The following CHD7 variants were observed in gnomAD, a reference collection of about 807,000 sequenced individuals.
The protein encoded by CHD7 is chromodomain helicase DNA binding protein 7, also known as ATP-dependent chromatin remodeler CHD7.
In CHD7, 24 loss-of-function variants were observed where a neutral mutation model predicts 307.3. That is an observed-to-expected ratio of 0.08 (90% CI 0.06 to 0.11). The LOEUF (loss-of-function observed/expected upper bound fraction) is 0.11. Ranked by LOEUF, CHD7 falls within the 10% of genes least tolerant of loss-of-function variation. The pLI, the probability that CHD7 is intolerant of heterozygous loss-of-function variation, is 1.00. For synonymous variants in CHD7, 1,363 were observed against 1,349.9 expected (o/e 1.01, Z -0.21); for missense variants, 3,106 against 3,727.1 (o/e 0.83, Z 4.34).
intron 1 of CHD7, among the ~76,000 whole-genome samples, chr8:60,727,956 C>A (rs1167351590): frequency 6.6e-6 from 1 of 152,242 alleles, no homozygotes; most frequent in Non-Finnish European, 1.5e-5. Context: ...GACTCTCCAT[C>A]CAGAAACAAG....
At chr8:60,701,908 A>G (rs1424543833) in intron 1 of CHD7, among the ~76,000 whole-genome samples, 1 of 152,328 alleles carries the variant, frequency 6.6e-6, no homozygotes, top group African/African-American at 2.4e-5. Context: ...CCCAGTGCCA[A>G]TCCTTAAGTT....
chr8:60,816,937 A>T (rs984629829), intron 8 of CHD7, among the ~76,000 whole-genome samples: 1 of 152,232 alleles, frequency 6.6e-6, no homozygotes, highest in African/African-American at 2.4e-5. Context: ...CAGAGAGTTC[A>T]CTAAACTCAT....
At chr8:60,832,741 A>G (rs1027856790) in intron 15 of CHD7, among the ~76,000 whole-genome samples, 2 of 152,180 alleles carry the variant, frequency 1.3e-5, no homozygotes, top group Admixed American at 6.5e-5. Context: ...TGTTAATTAT[A>G]TGCATTGAAC....
At chr8:60,765,409 G>C (rs150267690) in intron 2 of CHD7, among the ~76,000 whole-genome samples, 1 of 152,300 alleles carries the variant, frequency 6.6e-6, no homozygotes, top group African/African-American at 2.4e-5. Flanking sequence ...TCACAGTCCA[G>C]AGGACCTAAT....
intron 24 of CHD7, 91 bp from the exon 25 acceptor site, chr8:60,848,960 C>T (rs576401309): frequency 8.6e-5 from 87 of 1,010,706 alleles, no homozygotes; most frequent in African/African-American, 1.8e-4. Flanking sequence ...AGATGTTTAT[C>T]GTGGGAGAGA....
intron 35 of CHD7, 148 bp downstream of exon 35, chr8:60,861,273 G>C (rs977299820): frequency 4.8e-6 from 3 of 627,096 alleles, no homozygotes; most frequent in Non-Finnish European, 8.1e-6. Context: ...CTTTGTTGTT[G>C]AATCTTCTTC....
Position 60,865,713 on chromosome 8 carries a change from C to T in CHD7, c.8774C>T (p.Ala2925Val), listed in dbSNP as rs1563674763. 1.2e-6 allele frequency: 2 copies of T among 1,608,006 alleles called. No homozygotes were observed. Among genetic ancestry groups the T allele is most frequent in the South Asian group, 1.1e-5 (1 of 90,684 alleles). ...ACGCTGCCTGGGTTCCCAGCATTGGCAGGACTTCAGAATGCCGTGGGCTCC... is the reference window on the plus strand; with the variant it reads ...ACGCTGCCTGGGTTCCCAGCATTGGTAGGACTTCAGAATGCCGTGGGCTCC... ...GLTLPGFPALAGLQNAVGSSE... is the reference protein window; with the variant it reads ...GLTLPGFPALVGLQNAVGSSE... Residue 2925 changes from alanine to valine, a missense_variant, in exon 38 of 38, where the codon GCA (alanine) becomes GTA (valine). Around this residue, in one of 10 missense-constraint regions of CHD7, gnomAD observed 351 missense variants for 366.2 expected, o/e 0.96. Transcript: ENST00000423902. This position sits in a 1 kb window ranked among gnomAD's most constrained non-coding sequence, Gnocchi z 4.3.
At chr8:60,726,922 C>T (rs2150554293) in intron 1 of CHD7, among the ~76,000 whole-genome samples, 1 of 152,206 alleles carries the variant, frequency 6.6e-6, no homozygotes, top group Middle Eastern at 3.4e-3. Context: ...CCTTAATTTC[C>T]CTCTTTGTAT....
rs749532171 is a variant in CHD7, at chr8:60,853,085, T to A, written c.6360T>A (p.Pro2120=). 1.2e-6 allele frequency: 2 copies of A among 1,613,956 alleles called. No individual in the cohort carries two copies. Among genetic ancestry groups the A allele is most frequent in the South Asian group, 2.2e-5 (2 of 91,072 alleles). ...SRTDYHILND[P]ELSFLDAHKN... Reference sequence around the variant, plus strand: ...CGGATTATCACATCCTCAATGACCCTGAGTTATCCTTCTTGGATGCACATA... The same window carrying A: ...CGGATTATCACATCCTCAATGACCCAGAGTTATCCTTCTTGGATGCACATA... Residue 2120 remains proline, a synonymous_variant, in exon 31 of 38, where the codon CCT becomes CCA. Transcript: ENST00000423902.
intron 28 of CHD7, among the ~76,000 whole-genome samples, chr8:60,851,533 T>G (rs1805456640): frequency 6.6e-6 from 1 of 152,250 alleles, no homozygotes; most frequent in Non-Finnish European, 1.5e-5. Context: ...TTGATGATAA[T>G]TAGCTGATTT....
chr8:60,769,121 T>C (rs1810599266), intron 2 of CHD7, among the ~76,000 whole-genome samples: 1 of 152,216 alleles, frequency 6.6e-6, no homozygotes, highest in Non-Finnish European at 1.5e-5. Context: ...CTCTGTAGCA[T>C]TTTTCAAAGC....
chr8:60,793,722 C>T (rs1448499233), intron 3 of CHD7, among the ~76,000 whole-genome samples: 6 of 152,080 alleles, frequency 3.9e-5, no homozygotes, highest in Non-Finnish European at 8.8e-5. Flanking sequence ...TTGTTTTTCA[C>T]AATTTATTGG....
In CHD7 at chr8:60,865,228, T is replaced by C; in HGVS notation, c.8289T>C (p.Asn2763=). ...MDLTSLQNLQ[N]LQSLQLAGLM... ...TGACGAGCCTTCAGAATCTCCAGAA[T>C]CTCCAGTCGCTCCAGCTGGCAGGCC... is the stretch of plus-strand genomic sequence containing the variant. Residue 2763 remains asparagine, a synonymous_variant, in exon 38 of 38, where the codon AAT becomes AAC. Transcript: ENST00000423902. The surrounding 1 kb of genome is among the most constrained non-coding windows in gnomAD (Gnocchi z 4.3). 2.5e-6 allele frequency: 4 copies of C among 1,609,352 alleles called. No homozygotes were observed. The highest frequency in any genetic ancestry group is 3.4e-6 in the Non-Finnish European group (4 of 1,177,886).
intron 2 of CHD7, among the ~76,000 whole-genome samples, chr8:60,767,961 G>C (rs1810550835): frequency 6.6e-6 from 1 of 152,236 alleles, no homozygotes; most frequent in Non-Finnish European, 1.5e-5. Flanking sequence ...TCTGAAATGA[G>C]ATGGTATATT....
chr8:60,847,494 G>A (rs889391800), intron 23 of CHD7, among the ~76,000 whole-genome samples: 1 of 152,228 alleles, frequency 6.6e-6, no homozygotes, highest in Non-Finnish European at 1.5e-5. Flanking sequence ...TAGTATAAGT[G>A]TGAGACATTG....
intron 1 of CHD7, among the ~76,000 whole-genome samples, chr8:60,687,031 T>C (rs1724466262): frequency 6.6e-6 from 1 of 152,236 alleles, no homozygotes; most frequent in South Asian, 2.1e-4. Context: ...TTTTCCTGCC[T>C]CAGCCTCCCA....
intron 4 of CHD7, among the ~76,000 whole-genome samples, chr8:60,796,666 A>G (rs1230270468): frequency 2.6e-5 from 4 of 151,994 alleles, no homozygotes; most frequent in South Asian, 2.1e-4. Flanking sequence ...ACTGCTAATC[A>G]ATTCAAGTGA....
intron 6 of CHD7, among the ~76,000 whole-genome samples, chr8:60,803,824 A>G (rs1450351854): frequency 6.6e-6 from 1 of 152,208 alleles, no homozygotes; most frequent in Non-Finnish European, 1.5e-5. Context: ...AAACAAAAGG[A>G]AATTTGAGAT....
intron 1 of CHD7, among the ~76,000 whole-genome samples, chr8:60,707,030 C>G (rs1807058038): frequency 6.6e-6 from 1 of 152,020 alleles, no homozygotes; most frequent in Non-Finnish European, 1.5e-5. Flanking sequence ...CCAAGTGTTC[C>G]CATTGTTCAT....
Sources: gnomAD v4.1 joint callset for allele counts (sites outside exome capture counted in the v4.1 genomes callset) on GRCh38, gnomAD v4.1.1 for gene constraint, gnomAD v4.1.1 regional missense constraint, Gnocchi (gnomAD v3.1) non-coding constraint, MANE v1.5 for transcripts, NCBI Gene and HGNC (gene_info 2026-07-23, HGNC 2026-07-21) for gene names.